The following SART1 variants were observed in gnomAD, a reference collection of about 807,000 sequenced individuals.
SART1 encodes spliceosome associated factor 1, recruiter of U4/U6.U5 tri-snRNP.
In SART1, 28 loss-of-function variants were observed where a neutral mutation model predicts 105.0. The observed-to-expected ratio is 0.27, with a 90% CI of 0.20 to 0.37. The LOEUF is 0.37. SART1 is among the 10% of genes least tolerant of loss of function. The pLI is 1.00. For missense variants in SART1, 894 were observed against 1,106.5 expected (o/e 0.81, Z 2.72); for synonymous variants, 472 against 462.9 (o/e 1.02, Z -0.25).
Position 65,976,949 on chromosome 11 carries a change from A to T in SART1, c.1858-65A>T, listed in dbSNP as rs1001354051. ...GAGGGCTGGTGCCTGGCAGGTGGTG[A>T]CCAGTGGGTGGGGCTGAGAAGAGCC... On this transcript the variant is annotated intron_variant, in intron 14 of 19. Transcript: ENST00000312397. The surrounding 1 kb of genome is among the most constrained non-coding windows in gnomAD (Gnocchi z 5.1). 4.2e-5 allele frequency: 57 copies of T among 1,358,064 alleles called. No individual in the cohort carries two copies. Among genetic ancestry groups the T allele is most frequent in the East Asian group, 3.9e-4 (17 of 43,554 alleles). The allele number at this position is 1,358,064 out of a possible 1,614,324, so 84.1% of individuals were successfully genotyped here. A position where few individuals can be genotyped will look rare whatever the true frequency, so the allele number is the denominator to read the frequency against.
rs977186900 is a variant in SART1, at chr11:65,968,966, C to T, written c.1572+1145C>T. The stretch of plus-strand genomic sequence containing the variant: ...ATCATTCCAGAGGCCACACTTTTAG[C>T]CCTACCCCACACTTCTCACCTAGGA... On this transcript the variant is annotated intron_variant, in intron 12 of 19. Coordinates refer to ENST00000312397, the MANE Select transcript of SART1 (RefSeq NM_005146.5). Among the ~76,000 whole-genome samples the T allele has an allele frequency of 3.3e-5, 5 of 152,276 alleles. No individual in the cohort carries two copies. In the East Asian group the frequency reaches 9.6e-4, roughly 29 times the overall value.
In SART1 at chr11:65,964,108, C is replaced by T; in HGVS notation, c.348C>T (p.Ser116=). The T allele has an allele frequency of 6.2e-7, 1 of 1,613,188 alleles. No individual in the cohort carries two copies. The highest frequency in any genetic ancestry group is 8.5e-7 in the Non-Finnish European group (1 of 1,179,994). Residue 116 remains serine (S), a synonymous_variant, in exon 2 of 20, where the codon TCC becomes TCT. Coordinates refer to ENST00000312397, the MANE Select transcript of SART1 (RefSeq NM_005146.5). ...CCAAAACTAGCTCAGGCGATGCCTCCTCACTCAGCATCGAGGAGACTAAGT... is the reference window on the plus strand; with the variant it reads ...CCAAAACTAGCTCAGGCGATGCCTCTTCACTCAGCATCGAGGAGACTAAGT... ...ASSKTSSGDA[S]SLSIEETNKL...
At position 65,976,274 on chromosome 11, in the gene SART1, C is replaced by A. The variant is rs1048557739; in HGVS notation, c.1573-121C>A. The A allele has an allele frequency of 4.1e-6, 4 of 984,822 alleles. No homozygotes were observed. The highest frequency in any genetic ancestry group is 1.6e-5 in the African/African-American group (1 of 60,784). 61.0% of individuals were successfully genotyped at this position (984,822 alleles called of 1,614,324 possible). A position where few individuals can be genotyped will look rare whatever the true frequency, so the allele number is the denominator to read the frequency against. On this transcript the variant is annotated intron_variant, in intron 12 of 19. Coordinates refer to ENST00000312397, the MANE Select transcript of SART1 (RefSeq NM_005146.5). The surrounding 1 kb of genome is among the most constrained non-coding windows in gnomAD (Gnocchi z 5.1). ...AGTTAGGCGGCAGATAGCAGCTGGG[C>A]CTGCATGGGCTGTGGGCGTGGCCTG...
In SART1 at chr11:65,966,197, G is replaced by A; in HGVS notation, c.960G>A (p.Glu320=). 6.2e-7 allele frequency: 1 copy of A among 1,614,068 alleles called. No homozygotes were observed. The highest frequency in any genetic ancestry group is 8.5e-7 in the Non-Finnish European group (1 of 1,180,040). The change falls in exon 8 of 20, where the codon GAG becomes GAA. Residue 320 remains glutamate, a synonymous_variant. Transcript: ENST00000312397. ...KPDYLPYAED[E]SVDDLAQQKP... ...ACTACCTGCCCTATGCCGAGGACGAGAGCGTGGACGACCTGGCGCAGGCAC... is the reference window on the plus strand; with the variant it reads ...ACTACCTGCCCTATGCCGAGGACGAAAGCGTGGACGACCTGGCGCAGGCAC...
chr11:65,967,483 G>T lies in SART1; in HGVS notation c.1326G>T (p.Arg442=), dbSNP rs542240296. ...CTCCTTCCCTCAGACTGCGGGGACG[G>T]GGTCGCCGCCGAGTGTCCGAAGTGG... ...DGDFGSRLRG[R]GRRRVSEVEE... The change falls in exon 11 of 20, where the codon CGG becomes CGT. Residue 442 remains arginine, a synonymous_variant. Transcript: ENST00000312397. 3 of 1,613,274 alleles carry T rather than the reference G, an allele frequency of 1.9e-6. No homozygotes were observed. Among genetic ancestry groups the T allele is most frequent in the Middle Eastern group, 1.7e-4 (1 of 5,918 alleles).
intron 12 of SART1, among the ~76,000 whole-genome samples, chr11:65,973,529 G>A (rs1215989134): frequency 6.6e-6 from 1 of 152,220 alleles, no homozygotes; most frequent in Non-Finnish European, 1.5e-5. Flanking sequence ...GCGAGTAGGA[G>A]TAAAGGACAT....
chr11:65,963,756 A>G (rs1298310698), intron 1 of SART1, among the ~76,000 whole-genome samples: 1 of 152,206 alleles, frequency 6.6e-6, no homozygotes, highest in East Asian at 1.9e-4. Context: ...CTGGGATTAC[A>G]GGCATGACCC....
chr11:65,967,557 G>A lies in SART1; in HGVS notation c.1400G>A (p.Arg467Gln), dbSNP rs538739713. The change falls in exon 11 of 20, where the codon CGA becomes CAA. Residue 467 changes from arginine to glutamine, a missense_variant. Physicochemically the swap from Arg to Gln is conservative, Grantham distance 43. Transcript: ENST00000312397. ...VPQPLPSDDT[R>Q]VENMDISDEE... ...CAGCCCCTGCCGTCGGACGACACCC[G>A]AGTGGAGAACATGGACATCAGTGAT... The A allele has an allele frequency of 6.8e-6, 11 of 1,612,696 alleles. No individual in the cohort carries two copies. The East Asian group carries it at 8.9e-5, about 13-fold the overall frequency.
intron 12 of SART1, among the ~76,000 whole-genome samples, chr11:65,975,888 T>G (rs1285522478): frequency 6.6e-6 from 1 of 152,002 alleles, no homozygotes; most frequent in Non-Finnish European, 1.5e-5. Flanking sequence ...CTGGATTCAG[T>G]GCTGGCAGCA....
At chr11:65,962,605 G>A (rs1017755037) in intron 1 of SART1, among the ~76,000 whole-genome samples, 1 of 152,204 alleles carries the variant, frequency 6.6e-6, no homozygotes, top group South Asian at 2.1e-4. Flanking sequence ...TCTCTGTTAA[G>A]AACTGTAGAT....
Position 65,980,128 on chromosome 11 carries a change from T to C in SART1, c.*1098T>C, listed in dbSNP as rs1467943954. Among the ~76,000 whole-genome samples, 1 of 151,958 alleles carries C rather than the reference T, an allele frequency of 6.6e-6. No homozygotes were observed. The highest frequency in any genetic ancestry group is 1.5e-5 in the Non-Finnish European group (1 of 67,986). ...CCTGTCTCAAAAAAAATAAAAAAAA[T>C]TTAAAATAATCTTGGGGTGAGGAAA... On this transcript the variant is annotated 3_prime_UTR_variant, in exon 20 of 20. Transcript: ENST00000312397.
At chr11:65,964,628 G>A (rs1339268992) in intron 3 of SART1, 58 bp downstream of exon 3, 2 of 1,541,974 alleles carry the variant, frequency 1.3e-6, no homozygotes, top group East Asian at 4.5e-5. Context: ...AGGGGTCTTT[G>A]AAGAAGGTGG....
At chr11:65,977,122 A>G in intron 15 of SART1, 21 bp downstream of exon 15, 1 of 1,594,750 alleles carries the variant, frequency 6.3e-7, no homozygotes, top group Non-Finnish European at 8.6e-7. Flanking sequence ...CAGGGCAGCC[A>G]TGACTTGGGT....
intron 9 of SART1, 111 bp from the exon 10 acceptor site, chr11:65,967,148 C>T (rs1036129397): frequency 1.3e-6 from 2 of 1,482,672 alleles, no homozygotes; most frequent in African/African-American, 2.8e-5. Flanking sequence ...GGGAAGCGCT[C>T]AGGACGCTGG....
At position 65,979,440 on chromosome 11, in the gene SART1, G is replaced by A. The variant is rs374131487; in HGVS notation, c.*410G>A. The A allele has an allele frequency of 1.6e-5, 4 of 253,738 alleles. No homozygotes were observed. Among genetic ancestry groups the A allele is most frequent in the African/African-American group, 9.0e-5 (4 of 44,358 alleles). 15.7% of individuals were successfully genotyped at this position (253,738 alleles called of 1,614,324 possible). Reference sequence around the variant, plus strand: ...GGGCTGGGGATTGGGCTTTGGGTAGGGCACAGGTGCCACCTTCTGTCCTGG... The same window carrying A: ...GGGCTGGGGATTGGGCTTTGGGTAGAGCACAGGTGCCACCTTCTGTCCTGG... On this transcript the variant is annotated 3_prime_UTR_variant, in exon 20 of 20. Coordinates refer to ENST00000312397, the MANE Select transcript of SART1 (RefSeq NM_005146.5).
chr11:65,974,388 A>AC (rs1855441272), intron 12 of SART1, among the ~76,000 whole-genome samples: 1 of 149,942 alleles, frequency 6.7e-6, no homozygotes, highest in South Asian at 2.1e-4. Flanking sequence ...AAAAAAAAAA[A>AC]AAACCATATC....
chr11:65,973,516 G>A (rs1855424681), intron 12 of SART1, among the ~76,000 whole-genome samples: 1 of 152,222 alleles, frequency 6.6e-6, no homozygotes, highest in South Asian at 2.1e-4. Flanking sequence ...AAGCCTGACA[G>A]TAGCGAGTAG....
chr11:65,968,011 G>A (rs1178741153), intron 12 of SART1, among the ~76,000 whole-genome samples, 190 bp downstream of exon 12: 2 of 147,284 alleles, frequency 1.4e-5, no homozygotes, highest in African/African-American at 2.5e-5. Flanking sequence ...ATGCAGTGGC[G>A]CAGCCTCAGC....
chr11:65,963,758 G>A (rs1025800900), intron 1 of SART1, among the ~76,000 whole-genome samples: 1 of 152,184 alleles, frequency 6.6e-6, no homozygotes, highest in South Asian at 2.1e-4. Flanking sequence ...GGGATTACAG[G>A]CATGACCCAC....
Sources: allele counts gnomAD v4.1 joint callset (sites outside exome capture counted in the v4.1 genomes callset), GRCh38; gene constraint gnomAD v4.1.1; non-coding constraint Gnocchi (gnomAD v3.1); transcripts MANE v1.5; gene names NCBI Gene and HGNC (gene_info 2026-07-23, HGNC 2026-07-21).